HMG20A: variants seen among roughly 807,000 people sequenced by gnomAD.
HMG20A encodes high mobility group 20A, also known as high mobility group protein 20A.
A neutral mutation model predicts 43.9 loss-of-function variants in HMG20A; 17 were observed. The observed-to-expected ratio is 0.39, with a 90% CI of 0.27 to 0.58. HMG20A has a LOEUF of 0.58. Among genes scored for constraint, HMG20A ranks in the 20% least tolerant of loss-of-function variants. The probability of loss-of-function intolerance (pLI) is 0.59; values close to 1 mark genes in which losing one functional copy is unlikely to be tolerated. For synonymous variants in HMG20A, 132 were observed against 147.5 expected (o/e 0.89, Z 0.76); for missense variants, 341 against 438.2 (o/e 0.78, Z 1.98).
rs1358880627 is a variant in HMG20A at position 77,466,920 on chromosome 15, A to G, written c.238-175A>G. ...GCATCTGGAGTTCCTCAAAAATTGC[A>G]TTGCTGTCATTTGTATATTACCTAC... On this transcript the variant is annotated intron_variant, in intron 3 of 9. Coordinates refer to ENST00000336216, the MANE Select transcript of HMG20A (RefSeq NM_001304504.2). 2.6e-5 allele frequency among the ~76,000 whole-genome samples: 4 copies of G among 152,364 alleles called. No individual in the cohort carries two copies. The East Asian group carries it at 7.7e-4, about 29-fold the overall frequency.
intron 6 of HMG20A, among the ~76,000 whole-genome samples, chr15:77,474,329 A>C (rs1470415080): frequency 2.0e-5 from 3 of 152,192 alleles, no homozygotes; most frequent in Admixed American, 6.5e-5. Context: ...GGAGTAAAAC[A>C]CTGAGACTCA....
At chr15:77,499,593 G>T in the HMG20A span, among the ~76,000 whole-genome samples, 4 of 152,010 alleles carry the variant, frequency 2.6e-5, no homozygotes, top group Non-Finnish European at 4.4e-5. Flanking sequence ...AACACCTCCA[G>T]GACAGGCCTT....
the HMG20A span, among the ~76,000 whole-genome samples, chr15:77,503,302 G>A: frequency 3.3e-5 from 5 of 152,232 alleles, no homozygotes; most frequent in South Asian, 1.0e-3. Flanking sequence ...AAAACCATCA[G>A]TTTTGCTATT....
chr15:77,471,687 A>G (rs753092298), intron 5 of HMG20A, 96 bp from the exon 6 acceptor site: 42 of 766,286 alleles, frequency 5.5e-5, no homozygotes, highest in Non-Finnish European at 8.9e-5. Context: ...ATCTACATAT[A>G]CAAGCAGGTT....
In HMG20A at chr15:77,433,338, TAA is replaced by T. The variant is rs56217820; in HGVS notation, c.-5+12356_-5+12357del. ...GCCTGGATGTTAGAGACCCTGTCTCTAAAAAAAAAAAAAAAAAAAAAAATTTC... is the reference window on the plus strand; with the variant it reads ...GCCTGGATGTTAGAGACCCTGTCTCTAAAAAAAAAAAAAAAAAAAAATTTC... On this transcript the variant is annotated intron_variant, in intron 1 of 9. Coordinates refer to ENST00000336216, the MANE Select transcript of HMG20A (RefSeq NM_001304504.2). 7.1e-3 allele frequency among the ~76,000 whole-genome samples: 846 copies of T among 118,486 alleles called. 4 individuals carry two copies. Among genetic ancestry groups the T allele is most frequent in the African/African-American group, 0.021 (610 of 29,652 alleles). The allele number at this position is 118,486 out of a possible 152,430, so 77.7% of individuals were successfully genotyped here. A position where few individuals can be genotyped will look rare whatever the true frequency, so the allele number is the denominator to read the frequency against.
the HMG20A span, among the ~76,000 whole-genome samples, chr15:77,494,956 A>C: frequency 2.0e-5 from 3 of 152,220 alleles, no homozygotes; most frequent in African/African-American, 7.2e-5. Context: ...TCTGCAAGAT[A>C]TATCATAATG....
At chr15:77,497,685 GT>G in the HMG20A span, among the ~76,000 whole-genome samples, 1 of 41,534 alleles carries the variant, frequency 2.4e-5, no homozygotes, top group East Asian at 1.1e-3. Flanking sequence ...GAGAGAGAGT[GT>G]GTGTGTGTGT....
At chr15:77,464,435 G>A (rs1265376964) in intron 3 of HMG20A, 48 bp downstream of exon 3, 10 of 1,594,750 alleles carry the variant, frequency 6.3e-6, no homozygotes, top group Non-Finnish European at 8.6e-6. Context: ...AACTTCTGAA[G>A]AAGCAGTCAC....
chr15:77,460,149 CCAT>C lies in HMG20A; in HGVS notation c.89+1658_89+1660del, dbSNP rs1383821556. On this transcript the variant is annotated intron_variant, in intron 2 of 9. Coordinates refer to ENST00000336216, the MANE Select transcript of HMG20A (RefSeq NM_001304504.2). The stretch of plus-strand genomic sequence containing the variant: ...AGGAGACAGATGATAGCCTGAAGAA[CCAT>C]CATCTGGTGACTTTCACAAGAGTGT... Among the ~76,000 whole-genome samples the C allele has an allele frequency of 9.9e-5, 15 of 152,182 alleles. No individual in the cohort carries two copies. In the East Asian group the frequency reaches 2.9e-3, roughly 29 times the overall value.
At chr15:77,426,812 A>G (rs2073432426) in intron 1 of HMG20A, among the ~76,000 whole-genome samples, 2 of 152,198 alleles carry the variant, frequency 1.3e-5, no homozygotes, top group African/African-American at 4.8e-5. Context: ...GGAAATGATC[A>G]TTCTTTCTCA....
chr15:77,479,117 T>C (rs944399167), intron 8 of HMG20A, 62 bp from the exon 9 acceptor site: 3 of 1,514,348 alleles, frequency 2.0e-6, no homozygotes, highest in Non-Finnish European at 2.7e-6. Context: ...TTCTTTGAAA[T>C]TGTGTTTTAT....
chr15:77,458,268 A>C, intron 1 of HMG20A, 136 bp from the exon 2 acceptor site: 1 of 603,094 alleles, frequency 1.7e-6, no homozygotes, highest in South Asian at 2.0e-5. Flanking sequence ...GTCCAAGTCA[A>C]GAAAATAAAT....
chr15:77,464,090 C>A (rs1006924958), intron 2 of HMG20A, 150 bp from the exon 3 acceptor site: 2 of 841,414 alleles, frequency 2.4e-6, no homozygotes, highest in Non-Finnish European at 3.6e-6. Context: ...CGCCCTGTAA[C>A]GTCTGTGAAT....
chr15:77,487,565 G>T (rs1252313572), downstream of HMG20A, among the ~76,000 whole-genome samples: 2 of 152,158 alleles, frequency 1.3e-5, no homozygotes, highest in African/African-American at 4.8e-5. Flanking sequence ...CTGGTGGCCA[G>T]TCTTGTTTAG....
At chr15:77,422,349 T>C (rs1338705874) in intron 1 of HMG20A, among the ~76,000 whole-genome samples, 2 of 152,156 alleles carry the variant, frequency 1.3e-5, no homozygotes, top group African/African-American at 4.8e-5. Context: ...AAAAGCTGTT[T>C]GGTCACGCCT....
intron 1 of HMG20A, among the ~76,000 whole-genome samples, chr15:77,425,702 C>T (rs1481040496): frequency 6.6e-6 from 1 of 152,108 alleles, no homozygotes; most frequent in African/African-American, 2.4e-5. Context: ...GTGAGAGATA[C>T]CCTCTGCTAC....
At chr15:77,442,994 A>G (rs1247138419) in intron 1 of HMG20A, among the ~76,000 whole-genome samples, 2 of 150,390 alleles carry the variant, frequency 1.3e-5, no homozygotes, top group Non-Finnish European at 3.0e-5. Flanking sequence ...GTAATTATTC[A>G]TAATTTCACC....
intron 1 of HMG20A, among the ~76,000 whole-genome samples, chr15:77,429,000 T>C (rs931790241): frequency 6.6e-6 from 1 of 150,684 alleles, no homozygotes; most frequent in African/African-American, 2.4e-5. Context: ...CTCTAGAACA[T>C]AGGCCTTTAA....
At chr15:77,467,980 T>G (rs555462490) in intron 4 of HMG20A, among the ~76,000 whole-genome samples, 17 of 152,344 alleles carry the variant, frequency 1.1e-4, no homozygotes, top group Non-Finnish European at 2.2e-4. Context: ...CTGAAAGATA[T>G]CTGTATTTCT....
Sources: gnomAD v4.1 joint callset for allele counts (sites outside exome capture counted in the v4.1 genomes callset) on GRCh38, gnomAD v4.1.1 for gene constraint, MANE v1.5 for transcripts, NCBI Gene and HGNC (gene_info 2026-07-23, HGNC 2026-07-21) for gene names.